TOP2B: variants seen among roughly 807,000 people sequenced by gnomAD.
TOP2B encodes DNA topoisomerase 2-beta.
In TOP2B, 51 loss-of-function variants were observed where a neutral mutation model predicts 193.5. The observed-to-expected ratio is 0.26, with a 90% CI of 0.21 to 0.33. TOP2B has a LOEUF of 0.33. Ranked by LOEUF, TOP2B falls within the 10% of genes least tolerant of loss-of-function variation. The pLI is 1.00. For missense variants in TOP2B, 1,378 were observed against 1,909.3 expected, an observed-to-expected ratio of 0.72 and a Z score of 5.19; for synonymous variants, 634 against 635.7, an observed-to-expected ratio of 1.00 and a Z score of 0.04.
At chr3:25,611,007 T>TTA (rs1230461922) in intron 28 of TOP2B, among the ~76,000 whole-genome samples, 3 of 152,176 alleles carry the variant, frequency 2.0e-5, no homozygotes, top group Non-Finnish European at 4.4e-5. Flanking sequence ...TGTCATTAAC[T>TTA]GGGATAAGGC....
chr3:25,612,441 C>T, intron 28 of TOP2B, 74 bp downstream of exon 28: 1 of 1,089,994 alleles, frequency 9.2e-7, no homozygotes, highest in Non-Finnish European at 1.3e-6. Context: ...TTTAAACACG[C>T]ATTAAAATTT....
intron 27 of TOP2B, among the ~76,000 whole-genome samples, chr3:25,613,564 T>C (rs187429789): frequency 1.7e-4 from 26 of 152,084 alleles, no homozygotes; most frequent in Admixed American, 5.9e-4. Flanking sequence ...AAACCTCATC[T>C]CTACACAAAA....
intron 13 of TOP2B, 114 bp from the exon 14 acceptor site, chr3:25,629,259 T>C: frequency 1.5e-6 from 1 of 684,990 alleles, no homozygotes; most frequent in Non-Finnish European, 2.3e-6. Flanking sequence ...ATTTTAGAAA[T>C]GCATTTTACA....
intron 5 of TOP2B, among the ~76,000 whole-genome samples, 164 bp downstream of exon 5, chr3:25,638,001 T>C (rs2125387656): frequency 6.6e-6 from 1 of 152,092 alleles, no homozygotes; most frequent in East Asian, 1.9e-4. Flanking sequence ...TTTTTAAATG[T>C]CACTGTTAAA....
intron 1 of TOP2B, among the ~76,000 whole-genome samples, chr3:25,658,151 C>G (rs1276589176): frequency 6.6e-6 from 1 of 151,560 alleles, no homozygotes; most frequent in South Asian, 2.1e-4. Flanking sequence ...TCGCCAAGAA[C>G]CCGGGAGGCA....
chr3:25,602,799 T>C (rs1347755628), intron 33 of TOP2B, among the ~76,000 whole-genome samples: 22 of 152,230 alleles, frequency 1.4e-4, no homozygotes, highest in Non-Finnish European at 4.4e-5. Flanking sequence ...ATCTGAGTAC[T>C]ATAGCTGCCT....
At chr3:25,609,418 T>A (rs991027584) in intron 29 of TOP2B, 74 bp from the exon 30 acceptor site, 19 of 1,465,632 alleles carry the variant, frequency 1.3e-5, no homozygotes, top group Non-Finnish European at 1.6e-5. Flanking sequence ...AAAATTGTTA[T>A]AATGAAAAGT....
Position 25,598,036 on chromosome 3 carries a change from TTGTAACCATGACAATTAAAATC to T in TOP2B, c.*249_*270del. The T allele has an allele frequency of 4.1e-6, 1 of 241,168 alleles. No individual in the cohort carries two copies. The highest frequency in any genetic ancestry group is 7.9e-6 in the Non-Finnish European group (1 of 126,438). The allele number at this position is 241,168 out of a possible 1,614,324, so 14.9% of individuals were successfully genotyped here. A position where few individuals can be genotyped will look rare whatever the true frequency, so the allele number is the denominator to read the frequency against. ...TCATTTCAAAAAGCAGGTCTGTAGT[TTGTAACCATGACAATTAAAATC>T]TGTGCTAATGCACGGCAGTCTATAA... On this transcript the variant is annotated 3_prime_UTR_variant, in exon 36 of 36. Coordinates refer to ENST00000264331, the MANE Select transcript of TOP2B (RefSeq NM_001330700.2).
At chr3:25,618,898 T>C in intron 23 of TOP2B, 49 bp from the exon 24 acceptor site, 6 of 1,342,168 alleles carry the variant, frequency 4.5e-6, no homozygotes, top group Non-Finnish European at 5.0e-6. Context: ...TGTACTGGTA[T>C]TTTAACTTAT....
At position 25,609,356 on chromosome 3, in the gene TOP2B, G is replaced by T. The variant is rs1348728590; in HGVS notation, c.3932-12C>A. On this transcript the variant is annotated splice_polypyrimidine_tract_variant and intron_variant, in intron 29 of 35. Coordinates refer to ENST00000264331, the MANE Select transcript of TOP2B (RefSeq NM_001330700.2). ...TCTCACTCTGGTACCTAAAGCAAAA[G>T]AATAGCAATAAGGTATGTATCCATA... is the stretch of plus-strand genomic sequence containing the variant. 6.3e-7 allele frequency: 1 copy of T among 1,576,992 alleles called. No individual in the cohort carries two copies. Among genetic ancestry groups the T allele is most frequent in the Non-Finnish European group, 8.6e-7 (1 of 1,159,358 alleles).
At chr3:25,618,564 G>C in intron 24 of TOP2B, 55 bp from the exon 25 acceptor site, 1 of 1,542,940 alleles carries the variant, frequency 6.5e-7, no homozygotes, top group Non-Finnish European at 8.8e-7. Context: ...ATTTGTATTT[G>C]CTTATATTCT....
chr3:25,604,271 G>A (rs554355628), intron 33 of TOP2B, among the ~76,000 whole-genome samples: 2 of 152,074 alleles, frequency 1.3e-5, no homozygotes, highest in African/African-American at 2.4e-5. Context: ...AAAAGACCAC[G>A]GTACATATAT....
chr3:25,624,221 A>G (rs962408035), intron 20 of TOP2B, 76 bp downstream of exon 20: 21 of 1,522,016 alleles, frequency 1.4e-5, no homozygotes, highest in African/African-American at 5.5e-5. Context: ...CTCCACAGCT[A>G]TAATTCCATC....
intron 7 of TOP2B, 127 bp from the exon 8 acceptor site, chr3:25,634,141 C>T (rs1703036846): frequency 1.5e-6 from 1 of 668,044 alleles, no homozygotes; most frequent in East Asian, 2.9e-5. Flanking sequence ...CGATCCAAAC[C>T]TTAGTGGCAT....
In TOP2B at chr3:25,664,562, G is replaced by T; in HGVS notation, c.-265C>A. Reference sequence around the variant, plus strand: ...GGCGGCTGAGGAGAAAGCAGGGAGCGACCGGCGGCGGCCGAGCGGCGGCGT... The same window carrying T: ...GGCGGCTGAGGAGAAAGCAGGGAGCTACCGGCGGCGGCCGAGCGGCGGCGT... On this transcript the variant is annotated 5_prime_UTR_variant, in exon 1 of 36. Transcript: ENST00000264331. 1 of 1,079,422 alleles carries T rather than the reference G, an allele frequency of 9.3e-7. No homozygotes were observed. Among genetic ancestry groups the T allele is most frequent in the Non-Finnish European group, 1.1e-6 (1 of 891,716 alleles). 66.9% of individuals were successfully genotyped at this position (1,079,422 alleles called of 1,614,324 possible).
intron 13 of TOP2B, 55 bp from the exon 14 acceptor site, chr3:25,629,200 C>A: frequency 4.0e-6 from 5 of 1,245,190 alleles, no homozygotes; most frequent in Non-Finnish European, 5.5e-6. Context: ...AAAATGATTA[C>A]TTATATAAAC....
Position 25,627,308 on chromosome 3 carries a change from TA to T in TOP2B, c.1907-13del. 1.3e-6 allele frequency: 2 copies of T among 1,524,208 alleles called. No homozygotes were observed. Among genetic ancestry groups the T allele is most frequent in the Non-Finnish European group, 1.8e-6 (2 of 1,129,180 alleles). The allele number at this position is 1,524,208 out of a possible 1,614,324, so 94.4% of individuals were successfully genotyped here. A position where few individuals can be genotyped will look rare whatever the true frequency, so the allele number is the denominator to read the frequency against. On this transcript the variant is annotated splice_polypyrimidine_tract_variant and intron_variant, in intron 15 of 35. Coordinates refer to ENST00000264331, the MANE Select transcript of TOP2B (RefSeq NM_001330700.2). ...ACTAGTACCCAATCCTGCACAATTT[TA>T]AAAATAAAAGTGAGTCATGAATATC...
At chr3:25,634,237 A>G (rs1703039801) in intron 7 of TOP2B, among the ~76,000 whole-genome samples, 1 of 152,148 alleles carries the variant, frequency 6.6e-6, no homozygotes, top group Admixed American at 6.6e-5. Context: ...GTGAAGGGAC[A>G]GGTAAATTGT....
intron 13 of TOP2B, 70 bp downstream of exon 13, chr3:25,629,959 T>A (rs938075402): frequency 4.1e-6 from 6 of 1,450,820 alleles, no homozygotes; most frequent in Non-Finnish European, 5.5e-6. Flanking sequence ...GCAAGTCTCA[T>A]AAAACAAATA....
Sources: gnomAD v4.1 joint callset for allele counts (sites outside exome capture counted in the v4.1 genomes callset) on GRCh38, gnomAD v4.1.1 for gene constraint, MANE v1.5 for transcripts, NCBI Gene and HGNC (gene_info 2026-07-23, HGNC 2026-07-21) for gene names.